Variants in GLG1 observed in about 807,000 individuals in gnomAD.
The protein encoded by GLG1 is Golgi apparatus protein 1.
Under a neutral mutation model 160.5 loss-of-function variants are expected in GLG1, and 38 were observed. The ratio of observed to expected loss-of-function variants is 0.24; its 90% confidence interval spans 0.18 to 0.31. The LOEUF (loss-of-function observed/expected upper bound fraction) is 0.31, where lower values mean the gene tolerates loss of function less well. Among genes scored for constraint, GLG1 ranks in the 10% least tolerant of loss-of-function variants. The pLI is 1.00. For missense variants in GLG1, 1,373 were observed against 1,505.2 expected, an observed-to-expected ratio of 0.91 and a Z score of 1.45; for synonymous variants, 644 against 543.4, an observed-to-expected ratio of 1.19 and a Z score of -2.57.
intron 9 of GLG1, among the ~76,000 whole-genome samples, chr16:74,485,130 C>T (rs1314068365): frequency 6.6e-6 from 1 of 152,204 alleles, no homozygotes; most frequent in African/African-American, 2.4e-5. Flanking sequence ...TGGTTTCAAA[C>T]TCGTAGCTTC....
At chr16:74,467,691 T>C (rs1336391460) in intron 18 of GLG1, 65 bp downstream of exon 18, 2 of 1,131,128 alleles carry the variant, frequency 1.8e-6, no homozygotes, top group African/African-American at 1.5e-5. Context: ...CACTAGCTTT[T>C]GAGAAAACAT....
intron 1 of GLG1, among the ~76,000 whole-genome samples, chr16:74,570,650 C>G (rs932596236): frequency 7.2e-5 from 11 of 152,068 alleles, no homozygotes; most frequent in African/African-American, 2.4e-4. Context: ...AATCACAACA[C>G]TTTGGGACGC....
chr16:74,452,830 T>C lies in GLG1; in HGVS notation c.*337A>G. On this transcript the variant is annotated 3_prime_UTR_variant, in exon 26 of 26. Transcript: ENST00000422840. ...AAATTTTTTTTTTTGGTGGTTTTCT[T>C]AAAAAAGCCTTTGAGTTGCAGGTCA... is the stretch of plus-strand genomic sequence containing the variant. 9.6e-7 allele frequency: 1 copy of C among 1,036,626 alleles called. No individual in the cohort carries two copies. Among genetic ancestry groups the C allele is most frequent in the Non-Finnish European group, 1.2e-6 (1 of 863,788 alleles). The allele number at this position is 1,036,626 out of a possible 1,614,324, so 64.2% of individuals were successfully genotyped here. A position where few individuals can be genotyped will look rare whatever the true frequency, so the allele number is the denominator to read the frequency against.
In GLG1 at chr16:74,516,924, C is replaced by A. The variant is rs188945968; in HGVS notation, c.472-7999G>T. On this transcript the variant is annotated intron_variant, in intron 2 of 25. Transcript: ENST00000422840. ...CTACCATCAGAAAATACTATAAACACCTCTATGCAAATAAACTAGAAAATC... is the reference window on the plus strand; with the variant it reads ...CTACCATCAGAAAATACTATAAACAACTCTATGCAAATAAACTAGAAAATC... Among the ~76,000 whole-genome samples, 282 of 152,236 alleles carry A rather than the reference C, an allele frequency of 1.9e-3. 2 individuals are homozygous for A. The highest frequency in any genetic ancestry group is 6.3e-3 in the African/African-American group (262 of 41,548).
intron 1 of GLG1, among the ~76,000 whole-genome samples, chr16:74,593,076 G>C (rs1274784582): frequency 1.3e-5 from 2 of 152,146 alleles, no homozygotes; most frequent in African/African-American, 4.8e-5. Context: ...GCCATGGGAT[G>C]ATGCAGCAAG....
intron 1 of GLG1, among the ~76,000 whole-genome samples, chr16:74,602,434 A>G (rs1226867330): frequency 6.6e-6 from 1 of 152,236 alleles, no homozygotes; most frequent in Non-Finnish European, 1.5e-5. Flanking sequence ...ATTTGAAATG[A>G]CAGTATCTGG....
Position 74,491,126 on chromosome 16 carries a change from G to A in GLG1, c.1324C>T (p.Leu442=). ...EDFSLSPEII[L]SCRGEIEHHC... The stretch of plus-strand genomic sequence containing the variant: ...TGTTCAATCTCCCCCCGACAGCTTA[G>A]GATGATCTCAGGGCTCAGAGAAAAG... Residue 442 remains leucine, a synonymous_variant, in exon 8 of 26, where the codon CTA becomes TTA. Coordinates refer to ENST00000422840, the MANE Select transcript of GLG1 (RefSeq NM_001145667.2). 7.4e-6 allele frequency: 12 copies of A among 1,613,968 alleles called. No individual in the cohort carries two copies. The highest frequency in any genetic ancestry group is 1.3e-5 in the African/African-American group (1 of 75,056).
intron 14 of GLG1, 84 bp downstream of exon 14, chr16:74,472,265 C>G (rs1169164565): frequency 3.4e-6 from 3 of 882,790 alleles, no homozygotes; most frequent in Non-Finnish European, 5.7e-6. Flanking sequence ...ATGCTGCAGA[C>G]AGAGGTGAGT....
At chr16:74,505,787 G>A (rs954077008) in intron 3 of GLG1, among the ~76,000 whole-genome samples, 11 of 152,176 alleles carry the variant, frequency 7.2e-5, no homozygotes, top group Non-Finnish European at 1.2e-4. Flanking sequence ...CCCGGCAGGC[G>A]GAGGTTGCAG....
rs1958576057 is a variant in GLG1 at position 74,606,710 on chromosome 16, G to A, written c.385C>T (p.His129Tyr). 4 of 1,611,892 alleles carry A rather than the reference G, an allele frequency of 2.5e-6. No homozygotes were observed. The South Asian group carries it at 3.3e-5, about 13-fold the overall frequency. The change falls in exon 1 of 26, where the codon CAC (histidine) becomes TAC (tyrosine). Residue 129 changes from histidine to tyrosine, a missense_variant. Transcript: ENST00000422840. The part of the protein sequence containing the change: ...REDVTRVCPK[H>Y]TWSNNLAVLE... Reference sequence around the variant, plus strand: ...ACCGCCAGGTTGTTGCTCCAGGTGTGCTTAGGGCACACGCGGGTCACGTCC... The same window carrying A: ...ACCGCCAGGTTGTTGCTCCAGGTGTACTTAGGGCACACGCGGGTCACGTCC...
intron 4 of GLG1, among the ~76,000 whole-genome samples, chr16:74,496,913 G>A (rs2016211163): frequency 6.6e-6 from 1 of 152,042 alleles, no homozygotes; most frequent in African/African-American, 2.4e-5. Context: ...GAAAGTTTAA[G>A]TATTATAGTT....
At chr16:74,491,303 T>TGGCCGGGCGCGGTGGCTC in intron 7 of GLG1, 88 bp from the exon 8 acceptor site, 1 of 912,520 alleles carries the variant, frequency 1.1e-6, no homozygotes, top group Non-Finnish European at 1.8e-6. Flanking sequence ...TACATATTTC[T>TGGCCGGGCGCGGTGGCTC]ATCTGTAATA....
intron 11 of GLG1, among the ~76,000 whole-genome samples, chr16:74,478,392 C>T (rs1486335739): frequency 1.3e-5 from 2 of 151,994 alleles, no homozygotes; most frequent in African/African-American, 4.8e-5. Flanking sequence ...CAGGTGAAAA[C>T]TAGTATTTTT....
chr16:74,591,354 C>A (rs1294720801), intron 1 of GLG1, among the ~76,000 whole-genome samples: 2 of 145,068 alleles, frequency 1.4e-5, no homozygotes, highest in Admixed American at 6.9e-5. Context: ...AAAGGCCTGG[C>A]ACGGTGGCTC....
intron 1 of GLG1, among the ~76,000 whole-genome samples, chr16:74,565,300 G>C (rs190437202): frequency 6.6e-6 from 1 of 152,150 alleles, no homozygotes; most frequent in East Asian, 1.9e-4. Context: ...CTACACCCCA[G>C]TCTAGGCAAC....
chr16:74,502,600 G>C (rs1369160088), intron 4 of GLG1, among the ~76,000 whole-genome samples: 1 of 151,496 alleles, frequency 6.6e-6, no homozygotes, highest in African/African-American at 2.4e-5. Flanking sequence ...CTGGAGTGCA[G>C]TGGCGCGATC....
At chr16:74,562,499 G>GC (rs2018537893) in intron 1 of GLG1, among the ~76,000 whole-genome samples, 1 of 152,100 alleles carries the variant, frequency 6.6e-6, no homozygotes, top group African/African-American at 2.4e-5. Flanking sequence ...TCACTCTGTT[G>GC]CCCAGGCTGG....
intron 25 of GLG1, among the ~76,000 whole-genome samples, chr16:74,454,961 G>A (rs972318350): frequency 1.3e-5 from 2 of 151,962 alleles, no homozygotes; most frequent in Non-Finnish European, 2.9e-5. Context: ...AAAATTAGCT[G>A]GGTGTGGTGG....
rs187897620 is a variant in GLG1, at chr16:74,467,779, C to T, written c.2506G>A (p.Ala836Thr). ...CKSDIKNFCS[A>T]VQYGNAQIIE... ...ACCTGAGCGTTGCCATATTGCACAGCGGAACAGAAGTTTTTGATGTCACTC... is the reference window on the plus strand; with the variant it reads ...ACCTGAGCGTTGCCATATTGCACAGTGGAACAGAAGTTTTTGATGTCACTC... The change falls in exon 18 of 26, where the codon GCT (alanine) becomes ACT (threonine). Residue 836 changes from alanine to threonine, a missense_variant. By Grantham distance (58) the Ala-to-Thr change is moderately conservative (BLOSUM62 0). Around this residue, in one of 4 missense-constraint regions of GLG1, gnomAD observed 491 missense variants for 632.1 expected, o/e 0.78. Transcript: ENST00000422840. 4.5e-5 allele frequency: 73 copies of T among 1,611,908 alleles called. No individual in the cohort carries two copies. In the East Asian group the frequency reaches 9.4e-4, roughly 21 times the overall value.
Sources: gnomAD v4.1 joint callset for allele counts (sites outside exome capture counted in the v4.1 genomes callset) on GRCh38, gnomAD v4.1.1 for gene constraint, gnomAD v4.1.1 regional missense constraint, MANE v1.5 for transcripts, NCBI Gene and HGNC (gene_info 2026-07-23, HGNC 2026-07-21) for gene names.